The following CACNB4 variants were observed in gnomAD, a reference collection of about 807,000 sequenced individuals.
CACNB4 encodes voltage-dependent L-type calcium channel subunit beta-4.
In CACNB4, 32 loss-of-function variants were observed where a neutral mutation model predicts 71.2. That is an observed-to-expected ratio of 0.45 (90% CI 0.34 to 0.60). The LOEUF (loss-of-function observed/expected upper bound fraction) is 0.60, where lower values mean the gene tolerates loss of function less well. Among genes scored for constraint, CACNB4 ranks in the 20% least tolerant of loss-of-function variants. The pLI is 0.01. For missense variants in CACNB4, 464 were observed against 647.9 expected (o/e 0.72, Z 3.08); for synonymous variants, 231 against 236.9 (o/e 0.97, Z 0.23).
intron 2 of CACNB4, among the ~76,000 whole-genome samples, chr2:151,982,494 C>T (rs1029610816): frequency 4.6e-5 from 7 of 152,128 alleles, no homozygotes; most frequent in African/African-American, 1.7e-4. Flanking sequence ...ATCAGCCAGG[C>T]GTGGTGGCTG....
chr2:151,926,901 C>G lies in CACNB4; in HGVS notation c.148-43531G>C, dbSNP rs2099860383. Among the ~76,000 whole-genome samples the G allele has an allele frequency of 2.6e-5, 4 of 152,268 alleles. 1 individual carries two copies. Among genetic ancestry groups the G allele is most frequent in the Admixed American group, 2.6e-4 (4 of 15,294 alleles). Reference sequence around the variant, plus strand: ...CTTGACTGCTACTTACTAACTTTGCCTTTGGGTGTCTAACTCTCTAAGCCT... The same window carrying G: ...CTTGACTGCTACTTACTAACTTTGCGTTTGGGTGTCTAACTCTCTAAGCCT... On this transcript the variant is annotated intron_variant, in intron 2 of 13. Transcript: ENST00000539935.
At chr2:151,966,667 A>G (rs1482712769) in intron 2 of CACNB4, among the ~76,000 whole-genome samples, 3 of 152,188 alleles carry the variant, frequency 2.0e-5, no homozygotes, top group African/African-American at 7.2e-5. Flanking sequence ...GGATTACTGA[A>G]TTCTTTCACC....
intron 2 of CACNB4, among the ~76,000 whole-genome samples, chr2:151,884,336 A>G (rs1007613165): frequency 1.3e-5 from 2 of 148,478 alleles, no homozygotes; most frequent in South Asian, 2.1e-4. Context: ...TAAAAAAATT[A>G]AAAAAGGCCA....
At chr2:152,078,536 C>T (rs1687165778) in intron 2 of CACNB4, among the ~76,000 whole-genome samples, 4 of 152,244 alleles carry the variant, frequency 2.6e-5, no homozygotes, top group African/African-American at 9.6e-5. Context: ...CAGCTAGAGA[C>T]TGCATTTCTC....
At chr2:151,839,510 A>C (rs2099835622) in intron 13 of CACNB4, 131 bp from the exon 14 acceptor site, 1 of 691,508 alleles carries the variant, frequency 1.4e-6, no homozygotes, top group Admixed American at 2.5e-5. Flanking sequence ...ATCCTGATGC[A>C]CCAATGATCT....
At chr2:151,846,845 G>A (rs2099837722) in intron 12 of CACNB4, among the ~76,000 whole-genome samples, 2 of 152,090 alleles carry the variant, frequency 1.3e-5, no homozygotes, top group Non-Finnish European at 2.9e-5. Flanking sequence ...ATGAGCCACT[G>A]TGCCTGAACT....
At chr2:152,083,413 C>T (rs941485558) in intron 2 of CACNB4, among the ~76,000 whole-genome samples, 9 of 152,036 alleles carry the variant, frequency 5.9e-5, no homozygotes, top group Non-Finnish European at 8.8e-5. Flanking sequence ...AGGCACCTCT[C>T]CTTTTTTATT....
At chr2:151,998,609 C>G (rs1682210435) in intron 2 of CACNB4, among the ~76,000 whole-genome samples, 1 of 152,162 alleles carries the variant, frequency 6.6e-6, no homozygotes, top group African/African-American at 2.4e-5. Flanking sequence ...CAGAAATCCA[C>G]GGTGCTTATT....
intron 2 of CACNB4, among the ~76,000 whole-genome samples, chr2:151,912,633 T>C (rs563997083): frequency 6.6e-6 from 1 of 152,366 alleles, no homozygotes; most frequent in Non-Finnish European, 1.5e-5. Context: ...GAGAAGAATA[T>C]ATATTCTGTT....
chr2:151,965,750 G>C (rs866171405), intron 2 of CACNB4, among the ~76,000 whole-genome samples: 5 of 150,876 alleles, frequency 3.3e-5, no homozygotes, highest in Non-Finnish European at 7.4e-5. Context: ...TTTTTTTTTA[G>C]AGATGAGACT....
At chr2:151,878,584 T>TCACACACACACACACACAC (rs1381700918) in intron 4 of CACNB4, among the ~76,000 whole-genome samples, 104 of 28,696 alleles carry the variant, frequency 3.6e-3, no homozygotes, top group Non-Finnish European at 3.8e-3. Context: ...CACACACAGT[T>TCACACACACACACACACAC]AGCTGGGTAT....
intron 2 of CACNB4, among the ~76,000 whole-genome samples, chr2:152,070,542 CAAG>C (rs1481465571): frequency 6.6e-6 from 1 of 151,948 alleles, no homozygotes; most frequent in Non-Finnish European, 1.5e-5. Flanking sequence ...GGAAACCACA[CAAG>C]AAGAAGACAG....
At chr2:151,971,546 G>C (rs1262950337) in intron 2 of CACNB4, 1 of 702,860 alleles carries the variant, frequency 1.4e-6, no homozygotes, top group Non-Finnish European at 2.6e-6. Flanking sequence ...CACACTTACA[G>C]CCATAAATGC....
intron 2 of CACNB4, among the ~76,000 whole-genome samples, chr2:152,016,394 T>C (rs1683345695): frequency 6.6e-6 from 1 of 152,244 alleles, no homozygotes; most frequent in Non-Finnish European, 1.5e-5. Flanking sequence ...TAGAAACCAG[T>C]AGACTTCTGT....
chr2:151,866,353 C>T lies in CACNB4; in HGVS notation c.758+2824G>A, dbSNP rs1438841662. On this transcript the variant is annotated intron_variant, in intron 9 of 13. Coordinates refer to ENST00000539935, the MANE Select transcript of CACNB4 (RefSeq NM_000726.5). ...TTGTACTTTCTGAAAAATAATAGGACTTTCTCCTATTTTGTCTAACGTACT... is the reference window on the plus strand; with the variant it reads ...TTGTACTTTCTGAAAAATAATAGGATTTTCTCCTATTTTGTCTAACGTACT... 4 of 152,184 alleles carry T rather than the reference C, an allele frequency of 2.6e-5. No homozygotes were observed. The East Asian group carries it at 7.7e-4, about 29-fold the overall frequency. The allele number at this position is 152,184 out of a possible 1,614,324, so 9.4% of individuals were successfully genotyped here.
rs116488098 is a variant in CACNB4, at chr2:152,065,728, A to G, written c.147+32602T>C. The stretch of plus-strand genomic sequence containing the variant: ...CTCAGGTTGTCCTATATGTCCTCAC[A>G]TTAAGCCTAAAATCTTTATGTAAGG... On this transcript the variant is annotated intron_variant, in intron 2 of 13. Coordinates refer to ENST00000539935, the MANE Select transcript of CACNB4 (RefSeq NM_000726.5). Among the ~76,000 whole-genome samples, 494 of 152,252 alleles carry G rather than the reference A, an allele frequency of 3.2e-3. 2 individuals are homozygous for G. The highest frequency in any genetic ancestry group is 0.012 in the African/African-American group (478 of 41,536).
intron 2 of CACNB4, among the ~76,000 whole-genome samples, chr2:151,993,888 G>A (rs1473894659): frequency 6.7e-6 from 1 of 149,018 alleles, no homozygotes; most frequent in Non-Finnish European, 1.5e-5. Flanking sequence ...AGTTGAAAAA[G>A]TGGCCAGGCA....
At chr2:151,942,909 G>A (rs2099864630) in intron 2 of CACNB4, among the ~76,000 whole-genome samples, 1 of 152,178 alleles carries the variant, frequency 6.6e-6, no homozygotes, top group African/African-American at 2.4e-5. Context: ...GTGCACTGCT[G>A]AACATAGACC....
chr2:151,947,161 G>A (rs531237589), intron 2 of CACNB4, among the ~76,000 whole-genome samples: 1 of 152,340 alleles, frequency 6.6e-6, no homozygotes, highest in South Asian at 2.1e-4. Context: ...GCCTGCAGAA[G>A]GCACTTCATG....
Sources: gnomAD v4.1 joint callset for allele counts (sites outside exome capture counted in the v4.1 genomes callset) on GRCh38, gnomAD v4.1.1 for gene constraint, MANE v1.5 for transcripts, NCBI Gene and HGNC (gene_info 2026-07-23, HGNC 2026-07-21) for gene names.